The following NSD2 variants were observed in gnomAD, a reference collection of about 807,000 sequenced individuals.
NSD2 encodes histone-lysine N-methyltransferase NSD2.
In NSD2, 12 loss-of-function variants were observed where a neutral mutation model predicts 139.0. The observed-to-expected ratio is 0.09, with a 90% confidence interval of 0.06 to 0.14. The LOEUF (loss-of-function observed/expected upper bound fraction) is 0.14, where lower values mean the gene tolerates loss of function less well. NSD2 is among the 10% of genes least tolerant of loss of function. The pLI is 1.00. For missense variants in NSD2, 1,155 were observed against 1,745.0 expected (o/e 0.66, Z 6.02); for synonymous variants, 669 against 648.7 (o/e 1.03, Z -0.48).
At chr4:1,946,892 G>C (rs1723692372) in intron 9 of NSD2, 2 of 1,059,426 alleles carry the variant, frequency 1.9e-6, no homozygotes, top group African/African-American at 1.6e-5. Context: ...TTACGTGTTA[G>C]GTCCACATTT....
chr4:1,943,515 G>A (rs1723314138), intron 9 of NSD2: 3 of 1,047,798 alleles, frequency 2.9e-6, no homozygotes, highest in Non-Finnish European at 3.5e-6. Context: ...TTATGCATGC[G>A]AGGATGAAAT....
chr4:1,912,920 G>A (rs1163829750), intron 3 of NSD2, among the ~76,000 whole-genome samples: 1 of 151,966 alleles, frequency 6.6e-6, no homozygotes, highest in Non-Finnish European at 1.5e-5. Flanking sequence ...AAGCCACCCA[G>A]GTGCCAAGGC....
At chr4:1,907,638 T>G (rs1161611997) in intron 3 of NSD2, among the ~76,000 whole-genome samples, 1 of 142,832 alleles carries the variant, frequency 7.0e-6, no homozygotes, top group African/African-American at 2.9e-5. Context: ...TTTTTTTTTT[T>G]GTGACACAGT....
At chr4:1,936,763 A>G (rs952754160) in intron 7 of NSD2, among the ~76,000 whole-genome samples, 3 of 152,156 alleles carry the variant, frequency 2.0e-5, no homozygotes, top group African/African-American at 7.2e-5. Context: ...CTGAGTTAAA[A>G]TGCTCTTTTT....
At chr4:1,920,339 A>G (rs1268683787) in intron 5 of NSD2, among the ~76,000 whole-genome samples, 1 of 151,756 alleles carries the variant, frequency 6.6e-6, no homozygotes, top group Non-Finnish European at 1.5e-5. Flanking sequence ...AATCCCAGCT[A>G]CTCAGGAGGC....
chr4:1,876,924 T>C (rs1000715909), intron 1 of NSD2, among the ~76,000 whole-genome samples: 2 of 151,898 alleles, frequency 1.3e-5, no homozygotes, highest in Non-Finnish European at 2.9e-5. Flanking sequence ...TCACCTGAGG[T>C]CAGGAGTTCG....
In NSD2 at chr4:1,942,128, C is replaced by T; in HGVS notation, c.1881+2350C>T. ...AGGTCATGTTGTAGTTTAAATTCTT[C>T]TTGAAAAAGGTATATGTGATAAATA... On this transcript the variant is annotated intron_variant, in intron 9 of 21. Coordinates refer to ENST00000508803, the MANE Select transcript of NSD2 (RefSeq NM_001042424.3). The surrounding 1 kb of genome is among the most constrained non-coding windows in gnomAD (Gnocchi z 4.0). 7.9e-7 allele frequency: 1 copy of T among 1,270,384 alleles called. No homozygotes were observed. The highest frequency in any genetic ancestry group is 1.0e-6 in the Non-Finnish European group (1 of 1,004,764). The allele number at this position is 1,270,384 out of a possible 1,614,324, so 78.7% of individuals were successfully genotyped here. A position where few individuals can be genotyped will look rare whatever the true frequency, so the allele number is the denominator to read the frequency against.
At chr4:1,923,744 C>T (rs1248193103) in intron 5 of NSD2, among the ~76,000 whole-genome samples, 3 of 152,090 alleles carry the variant, frequency 2.0e-5, no homozygotes, top group South Asian at 2.1e-4. Flanking sequence ...TGCCCTTGCA[C>T]GCAGAGAGAC....
chr4:1,968,639 A>G (rs1726125897), intron 18 of NSD2, among the ~76,000 whole-genome samples: 1 of 152,244 alleles, frequency 6.6e-6, no homozygotes, highest in African/African-American at 2.4e-5. Flanking sequence ...CAGATTAAAA[A>G]AAAATCAAAA....
At chr4:1,914,350 G>C (rs1364620123) in intron 3 of NSD2, among the ~76,000 whole-genome samples, 1 of 149,710 alleles carries the variant, frequency 6.7e-6, no homozygotes, top group African/African-American at 2.5e-5. Context: ...TTTTTGAGAT[G>C]GAGCCTTGCT....
Position 1,955,316 on chromosome 4 carries a change from A to G in NSD2, c.2494A>G (p.Ser832Gly). 2.5e-6 allele frequency: 4 copies of G among 1,613,444 alleles called. No homozygotes were observed. Among genetic ancestry groups the G allele is most frequent in the Non-Finnish European group, 3.4e-6 (4 of 1,179,764 alleles). Residue 832 changes from serine to glycine, a missense_variant, in exon 13 of 22, where the codon AGC becomes GGC. Transcript: ENST00000508803. This position sits in a 1 kb window ranked among gnomAD's most constrained non-coding sequence, Gnocchi z 4.7. ...GCGACACCACGCCCACGTCAACGTGAGCTGGTGCTTCGTGTGCTCCAAAGG... is the reference window on the plus strand; with the variant it reads ...GCGACACCACGCCCACGTCAACGTGGGCTGGTGCTTCGTGTGCTCCAAAGG... The part of the protein sequence containing the change: ...GKRHHAHVNV[S>G]WCFVCSKGGS...
At chr4:1,975,480 A>G (rs1726976809) in intron 20 of NSD2, 80 bp downstream of exon 20, 3 of 1,306,628 alleles carry the variant, frequency 2.3e-6, no homozygotes, top group Non-Finnish European at 3.3e-6. Flanking sequence ...CCCCGTGAAC[A>G]GCGGCTTCCT....
intron 5 of NSD2, among the ~76,000 whole-genome samples, chr4:1,926,542 C>G (rs1198829380): frequency 6.6e-6 from 1 of 152,062 alleles, no homozygotes; most frequent in African/African-American, 2.4e-5. Context: ...ACAATCACAG[C>G]TCACTGCAAC....
Position 1,900,978 on chromosome 4 carries a change from T to C in NSD2, c.324T>C (p.Ile108=). Residue 108 remains isoleucine (I), a synonymous_variant, in exon 2 of 22, where the codon ATT becomes ATC. Coordinates refer to ENST00000508803, the MANE Select transcript of NSD2 (RefSeq NM_001042424.3). ...LRFESQEMKG[I]GTPPNTTPIK... is the part of the protein sequence containing the mutation. ...TTGAGTCCCAGGAAATGAAAGGGAT[T>C]GGGACACCCCCTAACACTACCCCTA... 1.9e-6 allele frequency: 3 copies of C among 1,614,210 alleles called. No homozygotes were observed. The highest frequency in any genetic ancestry group is 1.7e-6 in the Non-Finnish European group (2 of 1,180,030).
chr4:1,957,911 T>G (rs778402929), intron 15 of NSD2, 22 bp from the exon 16 acceptor site: 1 of 1,609,566 alleles, frequency 6.2e-7, no homozygotes, highest in Non-Finnish European at 8.5e-7. Flanking sequence ...AAATCTTTAC[T>G]CCTATTTCAT....
intron 2 of NSD2, among the ~76,000 whole-genome samples, chr4:1,902,870 G>A (rs2108752527): frequency 6.6e-6 from 1 of 152,228 alleles, no homozygotes; most frequent in South Asian, 2.1e-4. Context: ...CAGTAATCTG[G>A]TAGCTGTTCT....
intron 1 of NSD2, among the ~76,000 whole-genome samples, chr4:1,882,360 T>C (rs1011291848): frequency 9.2e-5 from 14 of 152,148 alleles, no homozygotes; most frequent in African/African-American, 3.4e-4. Flanking sequence ...GGATATGTAC[T>C]ATGGGCAAGA....
At chr4:1,960,087 G>C (rs1384686204) in intron 17 of NSD2, among the ~76,000 whole-genome samples, 1 of 152,010 alleles carries the variant, frequency 6.6e-6, no homozygotes, top group Non-Finnish European at 1.5e-5. Context: ...TCGAACTCCT[G>C]GCCCCAAACC....
Position 1,972,475 on chromosome 4 carries a change from G to A in NSD2, c.3373-2388G>A, listed in dbSNP as rs1726598021. Reference sequence around the variant, plus strand: ...GTGCTTTATCTTGAAGCCTTACTGTGGGAAGGGTGGGCGTGTCCTGGGGGT... The same window carrying A: ...GTGCTTTATCTTGAAGCCTTACTGTAGGAAGGGTGGGCGTGTCCTGGGGGT... On this transcript the variant is annotated intron_variant, in intron 18 of 21. Transcript: ENST00000508803. The surrounding 1 kb of genome is among the most constrained non-coding windows in gnomAD (Gnocchi z 4.0). Among the ~76,000 whole-genome samples, 1 of 152,240 alleles carries A rather than the reference G, an allele frequency of 6.6e-6. No homozygotes were observed. Among genetic ancestry groups the A allele is most frequent in the Non-Finnish European group, 1.5e-5 (1 of 68,032 alleles).
Sources: gnomAD v4.1 joint callset for allele counts (sites outside exome capture counted in the v4.1 genomes callset) on GRCh38, gnomAD v4.1.1 for gene constraint, Gnocchi (gnomAD v3.1) non-coding constraint, MANE v1.5 for transcripts, NCBI Gene and HGNC (gene_info 2026-07-23, HGNC 2026-07-21) for gene names.